The following CNOT11 variants were observed in gnomAD, a reference collection of about 807,000 sequenced individuals.
The protein encoded by CNOT11 is UPF0760 protein C2orf29.
In CNOT11, 18 loss-of-function variants were observed where a neutral mutation model predicts 44.6. That is an observed-to-expected ratio of 0.40 (90% CI 0.28 to 0.60). The LOEUF (loss-of-function observed/expected upper bound fraction) is 0.60, where lower values mean the gene tolerates loss of function less well. Ranked by LOEUF, CNOT11 falls within the 20% of genes least tolerant of loss-of-function variation. The pLI is 0.38. For synonymous variants in CNOT11, 291 were observed against 270.9 expected (o/e 1.07, Z -0.73); for missense variants, 513 against 677.0 (o/e 0.76, Z 2.69).
At chr2:101,255,702 G>A (rs1180267651) in intron 1 of CNOT11, among the ~76,000 whole-genome samples, 4 of 152,154 alleles carry the variant, frequency 2.6e-5, no homozygotes, top group Non-Finnish European at 5.9e-5. Context: ...GCAGGGCTGC[G>A]ATTGTGTAAT....
intron 5 of CNOT11, among the ~76,000 whole-genome samples, chr2:101,267,879 G>C (rs1682024717): frequency 1.3e-5 from 2 of 152,126 alleles, no homozygotes; most frequent in Admixed American, 6.5e-5. Flanking sequence ...TCCTGTATGG[G>C]GAAATCCATT....
rs768036005 is a variant in CNOT11 at position 101,264,839 on chromosome 2, T to C, written c.833-6T>C. The C allele has an allele frequency of 2.5e-6, 4 of 1,613,564 alleles. No homozygotes were observed. The highest frequency in any genetic ancestry group is 3.4e-6 in the Non-Finnish European group (4 of 1,179,600). ...ATAGGAGCAACTATCACGGCTCTCA[T>C]TACAGGCCATTTTCGACCAGAGTTT... On this transcript the variant is annotated splice_polypyrimidine_tract_variant and splice_region_variant and intron_variant, in intron 3 of 6. Transcript: ENST00000289382.
intron 1 of CNOT11, among the ~76,000 whole-genome samples, chr2:101,257,396 A>C (rs1369716766): frequency 6.6e-6 from 1 of 150,534 alleles, no homozygotes; most frequent in African/African-American, 2.4e-5. Context: ...TTCATCTCAA[A>C]AAAAAAAAAA....
chr2:101,262,699 C>T lies in CNOT11; in HGVS notation c.832+8C>T, dbSNP rs771139110. On this transcript the variant is annotated splice_region_variant and intron_variant, in intron 3 of 6. Coordinates refer to ENST00000289382, the MANE Select transcript of CNOT11 (RefSeq NM_017546.5). ...CAAAGCCACCTATTGAAAGTAGGTA[C>T]ATATAAATTAATTTATACTCTTTGT... 3 of 1,609,024 alleles carry T rather than the reference C, an allele frequency of 1.9e-6. No homozygotes were observed. Among genetic ancestry groups the T allele is most frequent in the Non-Finnish European group, 2.6e-6 (3 of 1,176,276 alleles).
Position 101,253,309 on chromosome 2 carries a change from C to A in CNOT11, c.345C>A (p.Pro115=), listed in dbSNP as rs536995904. 6.2e-7 allele frequency: 1 copy of A among 1,609,420 alleles called. No individual in the cohort carries two copies. Among genetic ancestry groups the A allele is most frequent in the South Asian group, 1.1e-5 (1 of 90,928 alleles). Residue 115 remains proline, a synonymous_variant, in exon 1 of 7, where the codon CCC becomes CCA. Transcript: ENST00000289382. The surrounding 1 kb of genome is among the most constrained non-coding windows in gnomAD (Gnocchi z 4.3). ...GSVLVMLLQQ[P]DLLPSAAQRL... is the part of the protein sequence containing the mutation. ...TGCTCGTCATGCTGCTCCAGCAGCC[C>A]GACCTGCTGCCTAGCGCGGCGCAGC...
Position 101,253,341 on chromosome 2 carries a change from C to G in CNOT11, c.377C>G (p.Thr126Arg). ...CTGCCTAGCGCGGCGCAGCGCCTCA[C>G]GGCGCTCTACCTGCTCTGGGAGATG... ...DLLPSAAQRLTALYLLWEMYR... is the reference protein window; with the variant it reads ...DLLPSAAQRLRALYLLWEMYR... Residue 126 changes from threonine (T) to arginine (R), a missense_variant, in exon 1 of 7, where the codon ACG (threonine) becomes AGG (arginine). Thr to Arg is a moderately conservative substitution (Grantham distance 71, BLOSUM62 -1). Transcript: ENST00000289382. This position sits in a 1 kb window ranked among gnomAD's most constrained non-coding sequence, Gnocchi z 4.3. 1 of 1,603,370 alleles carries G rather than the reference C, an allele frequency of 6.2e-7. No homozygotes were observed. Among genetic ancestry groups the G allele is most frequent in the South Asian group, 1.1e-5 (1 of 90,846 alleles).
chr2:101,258,071 T>C, intron 2 of CNOT11, 116 bp downstream of exon 2: 1 of 1,101,402 alleles, frequency 9.1e-7, no homozygotes, highest in South Asian at 1.9e-5. Flanking sequence ...ATCATCCATT[T>C]TAAAAAGTAG....
chr2:101,253,363 G>A lies in CNOT11; in HGVS notation c.399G>A (p.Glu133=). The part of the protein sequence containing the change: ...QRLTALYLLW[E]MYRTEPLAAN... ...TCACGGCGCTCTACCTGCTCTGGGA[G>A]ATGTACCGCACCGAGCCGCTGGCCG... The change falls in exon 1 of 7, where the codon GAG becomes GAA. Residue 133 remains glutamate, a synonymous_variant. Coordinates refer to ENST00000289382, the MANE Select transcript of CNOT11 (RefSeq NM_017546.5). This position sits in a 1 kb window ranked among gnomAD's most constrained non-coding sequence, Gnocchi z 4.3. The A allele has an allele frequency of 6.2e-7, 1 of 1,600,218 alleles. No individual in the cohort carries two copies. The highest frequency in any genetic ancestry group is 8.5e-7 in the Non-Finnish European group (1 of 1,178,846).
rs1184079797 is a variant in CNOT11 at position 101,269,711 on chromosome 2, A to C, written c.*298A>C. ...TTCTTTTTTTTTTAAGCACTAAAGA[A>C]CAAAATGCATTTTTCATTAATACAG... On this transcript the variant is annotated 3_prime_UTR_variant, in exon 7 of 7. Coordinates refer to ENST00000289382, the MANE Select transcript of CNOT11 (RefSeq NM_017546.5). This position sits in a 1 kb window ranked among gnomAD's most constrained non-coding sequence, Gnocchi z 4.8. 2 of 253,250 alleles carry C rather than the reference A, an allele frequency of 7.9e-6. No homozygotes were observed. Among genetic ancestry groups the C allele is most frequent in the East Asian group, 1.6e-4 (2 of 12,702 alleles). 15.7% of individuals were successfully genotyped at this position (253,250 alleles called of 1,614,324 possible). A position where few individuals can be genotyped will look rare whatever the true frequency, so the allele number is the denominator to read the frequency against.
chr2:101,253,305 A>G lies in CNOT11; in HGVS notation c.341A>G (p.Gln114Arg). ...LGSVLVMLLQ[Q>R]PDLLPSAAQR... ...TCGGTGCTCGTCATGCTGCTCCAGC[A>G]GCCCGACCTGCTGCCTAGCGCGGCG... Residue 114 changes from glutamine (Q) to arginine (R), a missense_variant, in exon 1 of 7, where the codon CAG becomes CGG. Coordinates refer to ENST00000289382, the MANE Select transcript of CNOT11 (RefSeq NM_017546.5). This position sits in a 1 kb window ranked among gnomAD's most constrained non-coding sequence, Gnocchi z 4.3. The G allele has an allele frequency of 1.2e-6, 2 of 1,610,166 alleles. No individual in the cohort carries two copies. The highest frequency in any genetic ancestry group is 1.7e-6 in the Non-Finnish European group (2 of 1,179,452).
At chr2:101,267,312 G>A (rs947588623) in intron 5 of CNOT11, among the ~76,000 whole-genome samples, 18 of 151,928 alleles carry the variant, frequency 1.2e-4, no homozygotes, top group African/African-American at 4.4e-4. Context: ...TAGTAGAGAC[G>A]GGGTTTCGCC....
At chr2:101,268,747 T>G (rs550593411) in intron 5 of CNOT11, among the ~76,000 whole-genome samples, 6 of 152,318 alleles carry the variant, frequency 3.9e-5, no homozygotes, top group Admixed American at 3.3e-4. Flanking sequence ...ATTATGACTC[T>G]AAATTCCAAT....
chr2:101,264,742 C>T, intron 3 of CNOT11, 103 bp from the exon 4 acceptor site: 1 of 893,244 alleles, frequency 1.1e-6, no homozygotes, highest in South Asian at 1.5e-5. Context: ...GTCACATCAT[C>T]CTTATTAAGA....
chr2:101,253,513 C>T lies in CNOT11; in HGVS notation c.514+35C>T, dbSNP rs1427649766. 7.8e-6 allele frequency: 11 copies of T among 1,401,514 alleles called. No individual in the cohort carries two copies. The highest frequency in any genetic ancestry group is 9.2e-6 in the Non-Finnish European group (10 of 1,082,558). The allele number at this position is 1,401,514 out of a possible 1,614,324, so 86.8% of individuals were successfully genotyped here. On this transcript the variant is annotated intron_variant, in intron 1 of 6. Transcript: ENST00000289382. The surrounding 1 kb of genome is among the most constrained non-coding windows in gnomAD (Gnocchi z 4.3). ...GAAGCCAGCTGTGCCGTGTGGATAG[C>T]GTTAGATTCCGCAGCTTTCCACCTG...
chr2:101,256,422 G>A (rs1378040269), intron 1 of CNOT11, among the ~76,000 whole-genome samples: 1 of 152,072 alleles, frequency 6.6e-6, no homozygotes, highest in Non-Finnish European at 1.5e-5. Flanking sequence ...GTCAGTAGAG[G>A]GGGCAGGAGT....
In CNOT11 at chr2:101,253,139, G is replaced by A. The variant is rs760811918; in HGVS notation, c.175G>A (p.Gly59Ser). The A allele has an allele frequency of 3.2e-5, 50 of 1,558,810 alleles. No individual in the cohort carries two copies. The South Asian group carries it at 5.7e-4, about 18-fold the overall frequency. Reference protein sequence around the residue: ...SGSGGPGGPAGRMSLTPKELS... With the variant: ...SGSGGPGGPASRMSLTPKELS... ...GAGCGGAGGCCCGGGGGGCCCCGCGGGCAGGATGAGCTTGACCCCGAAGGA... is the reference window on the plus strand; with the variant it reads ...GAGCGGAGGCCCGGGGGGCCCCGCGAGCAGGATGAGCTTGACCCCGAAGGA... The change falls in exon 1 of 7, where the codon GGC (glycine) becomes AGC (serine). Residue 59 changes from glycine to serine, a missense_variant. Gly to Ser is a moderately conservative substitution (Grantham distance 56). Around this residue, in one of 4 missense-constraint regions of CNOT11, gnomAD observed 259 missense variants for 265.7 expected, o/e 0.97. Coordinates refer to ENST00000289382, the MANE Select transcript of CNOT11 (RefSeq NM_017546.5). This position sits in a 1 kb window ranked among gnomAD's most constrained non-coding sequence, Gnocchi z 4.3.
At position 101,264,933 on chromosome 2, in the gene CNOT11, C is replaced by G. The variant is rs1008760651; in HGVS notation, c.921C>G (p.Asp307Glu). ...ELAWLNPTEPDHAIQWDKSMC... is the reference protein window; with the variant it reads ...ELAWLNPTEPEHAIQWDKSMC... ...CTTGGCTAAACCCCACGGAGCCTGA[C>G]CACGCGATCCAGTGGGATAAATCGA... The change falls in exon 4 of 7, where the codon GAC becomes GAG. Residue 307 changes from aspartate to glutamate, a missense_variant. Coordinates refer to ENST00000289382, the MANE Select transcript of CNOT11 (RefSeq NM_017546.5). The G allele has an allele frequency of 7.4e-6, 12 of 1,614,004 alleles. No individual in the cohort carries two copies. In the Admixed American group the frequency reaches 1.0e-4, roughly 13 times the overall value.
At position 101,266,896 on chromosome 2, in the gene CNOT11, G is replaced by A. The variant is rs1488172591; in HGVS notation, c.1238+17G>A. 6.3e-7 allele frequency: 1 copy of A among 1,584,582 alleles called. No homozygotes were observed. The highest frequency in any genetic ancestry group is 1.3e-5 in the African/African-American group (1 of 74,302). On this transcript the variant is annotated intron_variant, in intron 5 of 6. Coordinates refer to ENST00000289382, the MANE Select transcript of CNOT11 (RefSeq NM_017546.5). ...TGTAAATCGGTAAGTTTCTAGATTT[G>A]ATCAAATGTGTGGGGATAGATACAG...
Position 101,262,685 on chromosome 2 carries a change from A to G in CNOT11, c.826A>G (p.Ile276Val), listed in dbSNP as rs1473994842. The change falls in exon 3 of 7, where the codon ATT becomes GTT. Residue 276 changes from isoleucine (I) to valine (V), a missense_variant. Around this residue, in one of 4 missense-constraint regions of CNOT11, gnomAD observed 140 missense variants for 169.8 expected, o/e 0.82. Transcript: ENST00000289382. ...EALVSGPKPPIESHFRPEFIR... is the reference protein window; with the variant it reads ...EALVSGPKPPVESHFRPEFIR... ...TTTAGTCAGCGGACCAAAGCCACCT[A>G]TTGAAAGTAGGTACATATAAATTAA... 1.9e-6 allele frequency: 3 copies of G among 1,613,552 alleles called. No individual in the cohort carries two copies. Among genetic ancestry groups the G allele is most frequent in the South Asian group, 1.1e-5 (1 of 91,050 alleles).
Sources: allele counts gnomAD v4.1 joint callset (sites outside exome capture counted in the v4.1 genomes callset), GRCh38; gene constraint gnomAD v4.1.1; regional missense constraint gnomAD v4.1.1; non-coding constraint Gnocchi (gnomAD v3.1); transcripts MANE v1.5; gene names NCBI Gene and HGNC (gene_info 2026-07-23, HGNC 2026-07-21).